The following ZEB1 variants were observed in gnomAD, a reference collection of about 807,000 sequenced individuals.
The protein encoded by ZEB1 is zinc finger E-box-binding homeobox 1.
Under a neutral mutation model 84.9 loss-of-function variants are expected in ZEB1, and 21 were observed. That is an observed-to-expected ratio of 0.25 (90% CI 0.18 to 0.36). The LOEUF (loss-of-function observed/expected upper bound fraction) is 0.36, where lower values mean the gene tolerates loss of function less well. Ranked by LOEUF, ZEB1 falls within the 10% of genes least tolerant of loss-of-function variation. The pLI, the probability that ZEB1 is intolerant of heterozygous loss-of-function variation, is 1.00. For missense variants in ZEB1, 1,104 were observed against 1,330.2 expected (o/e 0.83, Z 2.65); for synonymous variants, 420 against 471.1 (o/e 0.89, Z 1.41).
intron 8 of ZEB1, among the ~76,000 whole-genome samples, chr10:31,524,566 C>T (rs945443116): frequency 1.3e-5 from 2 of 152,044 alleles, no homozygotes; most frequent in African/African-American, 4.8e-5. Flanking sequence ...CCTGTTTGCC[C>T]ACTTCTACCT....
intron 1 of ZEB1, among the ~76,000 whole-genome samples, chr10:31,438,935 G>C (rs1401899657): frequency 6.6e-6 from 1 of 152,136 alleles, no homozygotes; most frequent in African/African-American, 2.4e-5. Context: ...CCCAATCCCA[G>C]TTCAGTTTTC....
chr10:31,334,910 G>A (rs1447935362), intron 1 of ZEB1, among the ~76,000 whole-genome samples: 1 of 152,046 alleles, frequency 6.6e-6, no homozygotes, highest in Non-Finnish European at 1.5e-5. Context: ...ACCAATTCTA[G>A]ACAGGTTTAC....
chr10:31,514,779 G>A, intron 6 of ZEB1, 71 bp downstream of exon 6: 1 of 1,223,368 alleles, frequency 8.2e-7, no homozygotes, highest in Non-Finnish European at 1.2e-6. Flanking sequence ...ATCATAACAT[G>A]TAATCTACGT....
chr10:31,461,296 AT>A, intron 2 of ZEB1, 59 bp downstream of exon 2: 1 of 1,482,816 alleles, frequency 6.7e-7, no homozygotes, highest in Non-Finnish European at 9.2e-7. Context: ...TAAAATATAT[AT>A]TAACTGAAAA....
Position 31,488,183 on chromosome 10 carries a change from A to C in ZEB1, c.260-7593A>C, listed in dbSNP as rs148090507. ...TCTTTAAATATCTGATAAAATTTGC[A>C]AGTGAAAGTTGGTCCTGGAGTTTTG... On this transcript the variant is annotated intron_variant, in intron 2 of 8. Transcript: ENST00000424869. Among the ~76,000 whole-genome samples the C allele has an allele frequency of 9.2e-3, 1,385 of 151,332 alleles. 13 individuals carry two copies. The highest frequency in any genetic ancestry group is 0.031 in the African/African-American group (1,295 of 41,462).
chr10:31,527,117 G>T lies in ZEB1; in HGVS notation c.3231G>T (p.Glu1077Asp). ...AGGAGGAAGAAGTGGAAGAAGAAGA[G>T]GTAGAAGAGGCAGAGAATGAGGGAG... is the stretch of plus-strand genomic sequence containing the variant. ...EEEEEEVEEE[E>D]VEEAENEGEE... The change falls in exon 9 of 9, where the codon GAG (glutamate) becomes GAT (aspartate). Residue 1077 changes from glutamate to aspartate, a missense_variant. This residue lies in a region of ZEB1 where 173 missense variants were observed against 167.0 expected (regional missense o/e 1.04). Coordinates refer to ENST00000424869, the MANE Select transcript of ZEB1 (RefSeq NM_001174096.2). The T allele has an allele frequency of 6.2e-7, 1 of 1,604,524 alleles. No homozygotes were observed. Among genetic ancestry groups the T allele is most frequent in the East Asian group, 2.3e-5 (1 of 43,970 alleles).
chr10:31,403,657 A>G (rs2052466637), intron 1 of ZEB1, among the ~76,000 whole-genome samples: 1 of 152,076 alleles, frequency 6.6e-6, no homozygotes, highest in South Asian at 2.1e-4. Flanking sequence ...ACATTCTTAC[A>G]GATTTTCGTT....
At chr10:31,434,275 C>CT (rs1486396382) in intron 1 of ZEB1, among the ~76,000 whole-genome samples, 1 of 152,162 alleles carries the variant, frequency 6.6e-6, no homozygotes, top group East Asian at 1.9e-4. Flanking sequence ...TGTTTATGTG[C>CT]TTTTAAATGC....
intron 1 of ZEB1, among the ~76,000 whole-genome samples, chr10:31,417,049 C>T (rs573166868): frequency 6.6e-6 from 1 of 152,148 alleles, no homozygotes; most frequent in Non-Finnish European, 1.5e-5. Context: ...TAGTCATGAA[C>T]TTATTTATTC....
At chr10:31,383,964 G>C (rs1221662647) in intron 1 of ZEB1, among the ~76,000 whole-genome samples, 3 of 112,868 alleles carry the variant, frequency 2.7e-5, no homozygotes, top group African/African-American at 1.0e-4. Context: ...TTAGATTAGT[G>C]CTTTTTTTTT....
rs114683509 is a variant in ZEB1 at position 31,419,292 on chromosome 10, G to A, written c.59-41745G>A. On this transcript the variant is annotated intron_variant, in intron 1 of 8. Transcript: ENST00000424869. ...TGCATGAATGCCCTGGGGGGATAAG[G>A]TTTGTGGCAGCAGTAAAGCCGGAGA... Among the ~76,000 whole-genome samples, 490 of 152,242 alleles carry A rather than the reference G, an allele frequency of 3.2e-3. 6 individuals are homozygous for A. The highest frequency in any genetic ancestry group is 0.011 in the African/African-American group (472 of 41,534).
chr10:31,523,883 G>C (rs1554935089), intron 7 of ZEB1, 50 bp from the exon 8 acceptor site: 5 of 1,588,686 alleles, frequency 3.1e-6, no homozygotes, highest in Non-Finnish European at 4.3e-6. Context: ...TATATCTCTT[G>C]TTTATCTTTT....
chr10:31,375,046 T>TATACACAC (rs1554828418), intron 1 of ZEB1: 18 of 132,408 alleles, frequency 1.4e-4, no homozygotes, highest in Non-Finnish European at 2.6e-4. Flanking sequence ...ATGTTTTTCA[T>TATACACAC]ACACACACAC....
chr10:31,498,564 C>T (rs1353851372), intron 3 of ZEB1, among the ~76,000 whole-genome samples: 5 of 151,866 alleles, frequency 3.3e-5, no homozygotes, highest in Non-Finnish European at 7.4e-5. Flanking sequence ...TACAACAACC[C>T]TAAGAGGTAC....
At chr10:31,319,476 C>T (rs999873152) in intron 1 of ZEB1, 184 bp downstream of exon 1, 2 of 623,694 alleles carry the variant, frequency 3.2e-6, no homozygotes, top group South Asian at 1.9e-5. Flanking sequence ...GGAGCCGCGC[C>T]GCGGCCGCTC....
intron 1 of ZEB1, among the ~76,000 whole-genome samples, chr10:31,407,299 T>C (rs1346035232): frequency 7.3e-6 from 1 of 136,164 alleles, no homozygotes; most frequent in Non-Finnish European, 1.5e-5. Flanking sequence ...CCTGTGTCCA[T>C]GTGTTCTCAT....
chr10:31,340,453 C>T (rs1042579948), intron 1 of ZEB1, among the ~76,000 whole-genome samples: 1 of 152,294 alleles, frequency 6.6e-6, no homozygotes, highest in East Asian at 1.9e-4. Flanking sequence ...AGTAGTAGCA[C>T]TTAACATTCA....
chr10:31,510,102 T>A (rs1195207176), intron 4 of ZEB1, among the ~76,000 whole-genome samples: 1 of 152,156 alleles, frequency 6.6e-6, no homozygotes, highest in Admixed American at 6.5e-5. Flanking sequence ...ACACACTATT[T>A]TTTTGGTCTG....
intron 1 of ZEB1, among the ~76,000 whole-genome samples, chr10:31,353,793 C>T (rs1211314255): frequency 6.6e-6 from 1 of 152,148 alleles, no homozygotes. Flanking sequence ...GTCATATTGG[C>T]AATACATAGT....
Sources: gnomAD v4.1 joint callset for allele counts (sites outside exome capture counted in the v4.1 genomes callset) on GRCh38, gnomAD v4.1.1 for gene constraint, gnomAD v4.1.1 regional missense constraint, MANE v1.5 for transcripts, NCBI Gene and HGNC (gene_info 2026-07-23, HGNC 2026-07-21) for gene names.